Variants in MRPL14 observed in about 807,000 individuals in gnomAD.
MRPL14 encodes the protein mitochondrial ribosomal protein L14.
A neutral mutation model predicts 10.9 loss-of-function variants in MRPL14; 8 were observed. The ratio of observed to expected loss-of-function variants is 0.74; its 90% CI spans 0.43 to 1.33. The LOEUF is 1.33. Ranked by LOEUF, MRPL14 falls within the 40% of genes most tolerant of loss-of-function variation. MRPL14 has a pLI of 0.01. For synonymous variants in MRPL14, 82 were observed against 74.1 expected (o/e 1.11, Z -0.54); for missense variants, 179 against 194.5 (o/e 0.92, Z 0.47).
At chr6:44,124,255 C>T (rs1367419807) in intron 1 of MRPL14, among the ~76,000 whole-genome samples, 1 of 152,152 alleles carries the variant, frequency 6.6e-6, no homozygotes, top group Non-Finnish European at 1.5e-5. Flanking sequence ...ATCTCTTTCA[C>T]TCCATCCTCC....
Position 44,114,005 on chromosome 6 carries a change from A to G in MRPL14, c.276T>C (p.Pro92=). 6.2e-7 allele frequency: 1 copy of G among 1,614,172 alleles called. No homozygotes were observed. The highest frequency in any genetic ancestry group is 8.5e-7 in the Non-Finnish European group (1 of 1,180,002). Residue 92 remains proline (P), a synonymous_variant, in exon 3 of 3, where the codon CCT becomes CCC. Coordinates refer to ENST00000372014, the MANE Select transcript of MRPL14 (RefSeq NM_032111.4). Reference sequence around the variant, plus strand: ...CGAATCTGGGGGTCATTCGGGGGCCAGGCATGCAGTGCCCCACAATGAGCG... The same window carrying G: ...CGAATCTGGGGGTCATTCGGGGGCCGGGCATGCAGTGCCCCACAATGAGCG... ...KKALIVGHCM[P]GPRMTPRFDS... is the part of the protein sequence containing the mutation.
At chr6:44,117,553 A>C (rs919850013) in intron 1 of MRPL14, among the ~76,000 whole-genome samples, 2 of 152,194 alleles carry the variant, frequency 1.3e-5, no homozygotes, top group Non-Finnish European at 2.9e-5. Flanking sequence ...GTATTTACAC[A>C]CAGCTTTGCT....
At chr6:44,115,298 T>C (rs1037354706) in intron 2 of MRPL14, among the ~76,000 whole-genome samples, 3 of 151,986 alleles carry the variant, frequency 2.0e-5, no homozygotes, top group Non-Finnish European at 4.4e-5. Context: ...ATATTTCCAC[T>C]CTCCTCAACT....
At chr6:44,121,486 C>T (rs72855994) in intron 1 of MRPL14, among the ~76,000 whole-genome samples, 3,685 of 152,308 alleles carry the variant, frequency 0.024, 89 homozygotes, top group East Asian at 0.11. Context: ...CTATGGATTT[C>T]AATGGAATAT....
chr6:44,117,840 GTTTTTTTTTTTTTT>G (rs56204643), intron 1 of MRPL14, among the ~76,000 whole-genome samples: 1 of 75,346 alleles, frequency 1.3e-5, no homozygotes, highest in Non-Finnish European at 2.4e-5. Context: ...AATTTTTTGT[GTTTTTTTTTTTTTT>G]TTTTTTTTTT....
intron 1 of MRPL14, among the ~76,000 whole-genome samples, chr6:44,124,872 G>A (rs1383422105): frequency 1.3e-5 from 2 of 152,058 alleles, no homozygotes; most frequent in South Asian, 2.1e-4. Flanking sequence ...CCTGCTTTTC[G>A]AGACCCCCCC....
intron 1 of MRPL14, among the ~76,000 whole-genome samples, chr6:44,118,751 G>A (rs1776115033): frequency 1.3e-5 from 2 of 152,300 alleles, no homozygotes; most frequent in South Asian, 4.1e-4. Flanking sequence ...GATCACCTGA[G>A]GTCGGGAGTT....
intron 2 of MRPL14, 27 bp from the exon 3 acceptor site, chr6:44,114,236 C>T (rs1183158177): frequency 6.3e-7 from 1 of 1,591,348 alleles, no homozygotes; most frequent in Non-Finnish European, 8.6e-7. Context: ...AAAAAGTCTG[C>T]AGTCTGTATC....
chr6:44,121,876 T>C (rs1422187430), intron 1 of MRPL14, among the ~76,000 whole-genome samples: 2 of 145,910 alleles, frequency 1.4e-5, no homozygotes, highest in Non-Finnish European at 3.0e-5. Flanking sequence ...GAGGTGGAGG[T>C]TGCAGTGAGC....
At position 44,113,953 on chromosome 6, in the gene MRPL14, C is replaced by T. The variant is rs140197340; in HGVS notation, c.328G>A (p.Asp110Asn). 123 of 1,613,878 alleles carry T rather than the reference C, an allele frequency of 7.6e-5. No homozygotes were observed. The highest frequency in any genetic ancestry group is 1.0e-4 in the Non-Finnish European group (121 of 1,179,856). Reference sequence around the variant, plus strand: ...CGTGTCCCCACAGGGTTCCCGTTGTCCTCAATGAGGACCACGTTGTTGGAG... The same window carrying T: ...CGTGTCCCCACAGGGTTCCCGTTGTTCTCAATGAGGACCACGTTGTTGGAG... ...FDSNNVVLIE[D>N]NGNPVGTRIK... The change falls in exon 3 of 3, where the codon GAC (aspartate) becomes AAC (asparagine). Residue 110 changes from aspartate to asparagine, a missense_variant. Transcript: ENST00000372014.
chr6:44,124,801 A>T (rs1315234404), intron 1 of MRPL14, among the ~76,000 whole-genome samples: 1 of 152,164 alleles, frequency 6.6e-6, no homozygotes, highest in Non-Finnish European at 1.5e-5. Context: ...GTAAAATCAC[A>T]CCAGGGTAAG....
chr6:44,120,806 T>A (rs2396167), intron 1 of MRPL14, among the ~76,000 whole-genome samples: 2 of 151,978 alleles, frequency 1.3e-5, no homozygotes, highest in African/African-American at 4.8e-5. Context: ...CTGACGGAGG[T>A]AAATCCAGAA....
chr6:44,122,577 G>T (rs534008027), intron 1 of MRPL14, among the ~76,000 whole-genome samples: 1 of 152,062 alleles, frequency 6.6e-6, no homozygotes, highest in Non-Finnish European at 1.5e-5. Context: ...GTGCCTGGCC[G>T]GTTACATTTT....
intron 1 of MRPL14, 31 bp from the exon 2 acceptor site, chr6:44,116,660 G>A (rs924305175): frequency 1.3e-6 from 2 of 1,564,318 alleles, no homozygotes; most frequent in African/African-American, 2.7e-5. Context: ...GGAAAAATTG[G>A]TTTCTAAGTC....
chr6:44,118,772 C>G (rs1298034417), intron 1 of MRPL14, among the ~76,000 whole-genome samples: 3 of 151,920 alleles, frequency 2.0e-5, no homozygotes, highest in African/African-American at 7.3e-5. Context: ...TGAGGTCAGT[C>G]TGACTAACAT....
At chr6:44,117,588 A>G (rs956662617) in intron 1 of MRPL14, among the ~76,000 whole-genome samples, 1 of 152,166 alleles carries the variant, frequency 6.6e-6, no homozygotes, top group Non-Finnish European at 1.5e-5. Context: ...ACCACCTCAG[A>G]TAAGATTTTA....
At chr6:44,122,332 C>T (rs1403541124) in intron 1 of MRPL14, among the ~76,000 whole-genome samples, 1 of 152,140 alleles carries the variant, frequency 6.6e-6, no homozygotes, top group Non-Finnish European at 1.5e-5. Flanking sequence ...ATCCGCCTGC[C>T]TCGGCCTCCC....
chr6:44,125,368 CCT>C (rs1276076716), intron 1 of MRPL14, among the ~76,000 whole-genome samples: 1 of 152,040 alleles, frequency 6.6e-6, no homozygotes, highest in Non-Finnish European at 1.5e-5. Context: ...ATAAAAAATG[CCT>C]TCTGGCTGGA....
At chr6:44,118,577 C>A (rs1458645722) in intron 1 of MRPL14, among the ~76,000 whole-genome samples, 1 of 152,174 alleles carries the variant, frequency 6.6e-6, no homozygotes, top group Non-Finnish European at 1.5e-5. Context: ...CTTTAAGGGT[C>A]ATTTGGCCTC....
Sources: gnomAD v4.1 joint callset for allele counts (sites outside exome capture counted in the v4.1 genomes callset) on GRCh38, gnomAD v4.1.1 for gene constraint, MANE v1.5 for transcripts, NCBI Gene and HGNC (gene_info 2026-07-23, HGNC 2026-07-21) for gene names.